SAMD3: variants seen among roughly 807,000 people sequenced by gnomAD.
The protein encoded by SAMD3 is sterile alpha motif domain-containing protein 3.
Under a neutral mutation model 58.5 loss-of-function variants are expected in SAMD3, and 63 were observed. The observed-to-expected ratio is 1.08, with a 90% CI of 0.88 to 1.33. SAMD3 has a LOEUF of 1.33. Ranked by LOEUF, SAMD3 falls within the 40% of genes most tolerant of loss-of-function variation. The pLI is 0.00. For missense variants in SAMD3, 604 were observed against 608.4 expected (o/e 0.99, Z 0.08); for synonymous variants, 220 against 210.3 (o/e 1.05, Z -0.40).
chr6:130,180,860 ATGT>A (rs1201905099), intron 7 of SAMD3, among the ~76,000 whole-genome samples: 1 of 151,956 alleles, frequency 6.6e-6, no homozygotes, highest in Non-Finnish European at 1.5e-5. Flanking sequence ...GAGAAAATCC[ATGT>A]TGTTAGGAGT....
chr6:130,361,999 G>A (rs2115047764), intron 1 of SAMD3, among the ~76,000 whole-genome samples: 1 of 152,160 alleles, frequency 6.6e-6, no homozygotes, highest in Admixed American at 6.5e-5. Flanking sequence ...GTCAGTAAAA[G>A]TTAATATTTT....
chr6:130,291,006 C>G (rs570273303), intron 2 of SAMD3, among the ~76,000 whole-genome samples: 2 of 152,156 alleles, frequency 1.3e-5, no homozygotes, highest in African/African-American at 4.8e-5. Flanking sequence ...CTTATTATTC[C>G]CATTCACATA....
chr6:130,215,705 G>T, intron 2 of SAMD3: 1 of 1,458,390 alleles, frequency 6.9e-7, no homozygotes, highest in South Asian at 1.4e-5. Flanking sequence ...ATTTACAGAA[G>T]GGGTGGGCAG....
chr6:130,358,830 A>T (rs1777907988), intron 1 of SAMD3, among the ~76,000 whole-genome samples: 1 of 152,014 alleles, frequency 6.6e-6, no homozygotes, highest in African/African-American at 2.4e-5. Flanking sequence ...ATGTCTCCTT[A>T]ACCCCTACTC....
intron 8 of SAMD3, among the ~76,000 whole-genome samples, chr6:130,155,847 C>G (rs542286869): frequency 6.6e-6 from 1 of 152,150 alleles, no homozygotes; most frequent in East Asian, 1.9e-4. Flanking sequence ...ACTAACAAGA[C>G]CTAAACCAAG....
intron 1 of SAMD3, among the ~76,000 whole-genome samples, chr6:130,351,518 C>T (rs550760782): frequency 1.3e-5 from 2 of 152,262 alleles, no homozygotes; most frequent in East Asian, 3.9e-4. Context: ...AGATCAAAAC[C>T]ACAATGAGAT....
rs186616365 is a variant in SAMD3 at position 130,189,793 on chromosome 6, A to T, written c.384-5170T>A. On this transcript the variant is annotated intron_variant, in intron 5 of 11. Coordinates refer to ENST00000439090, the MANE Select transcript of SAMD3 (RefSeq NM_001017373.4). ...TAACCATAAACATTAAACACATTTTAAAAAAATTAACTGAAAACACTGAAA... is the reference window on the plus strand; with the variant it reads ...TAACCATAAACATTAAACACATTTTTAAAAAATTAACTGAAAACACTGAAA... Among the ~76,000 whole-genome samples the T allele has an allele frequency of 3.3e-3, 509 of 152,290 alleles. 3 individuals carry two copies. Among genetic ancestry groups the T allele is most frequent in the Non-Finnish European group, 5.2e-3 (357 of 68,028 alleles).
intron 2 of SAMD3, among the ~76,000 whole-genome samples, chr6:130,265,315 G>A (rs1168299839): frequency 6.6e-6 from 1 of 152,102 alleles, no homozygotes; most frequent in East Asian, 1.9e-4. Context: ...ACGTGGATGG[G>A]AGCAGCTTCA....
chr6:130,186,935 T>TA (rs1368254479), intron 5 of SAMD3, among the ~76,000 whole-genome samples: 1 of 151,442 alleles, frequency 6.6e-6, no homozygotes, highest in African/African-American at 2.4e-5. Flanking sequence ...CGTGCCTGGC[T>TA]AATTTTTTTT....
At chr6:130,226,871 A>C (rs188144968), upstream of SAMD3, among the ~76,000 whole-genome samples, 733 of 152,332 alleles carry the variant, frequency 4.8e-3, 7 homozygotes, top group Non-Finnish European at 5.6e-3. Flanking sequence ...AATTAGTAAC[A>C]TTGTGTTTAC....
intron 2 of SAMD3, among the ~76,000 whole-genome samples, chr6:130,290,396 T>A (rs1166437335): frequency 1.3e-5 from 2 of 152,214 alleles, no homozygotes; most frequent in African/African-American, 2.4e-5. Context: ...TTGCTCTTAA[T>A]GGCTTTGATT....
At chr6:130,256,705 A>G (rs1773938804) in intron 2 of SAMD3, among the ~76,000 whole-genome samples, 1 of 152,188 alleles carries the variant, frequency 6.6e-6, no homozygotes, top group South Asian at 2.1e-4. Flanking sequence ...TCTTTCTCCA[A>G]TAAAAGAAAT....
intron 2 of SAMD3, among the ~76,000 whole-genome samples, chr6:130,264,103 T>G (rs1774245428): frequency 6.6e-6 from 1 of 152,216 alleles, no homozygotes; most frequent in Non-Finnish European, 1.5e-5. Context: ...TTGTTATGCT[T>G]GTGCACATGG....
intron 9 of SAMD3, among the ~76,000 whole-genome samples, chr6:130,152,989 TGAA>T (rs1329385447): frequency 1.3e-5 from 2 of 152,306 alleles, no homozygotes; most frequent in South Asian, 2.1e-4. Context: ...CACACTCCAA[TGAA>T]GACCCCTAAG....
chr6:130,324,453 G>T (rs1481175716), intron 1 of SAMD3, among the ~76,000 whole-genome samples: 1 of 152,122 alleles, frequency 6.6e-6, no homozygotes, highest in Non-Finnish European at 1.5e-5. Context: ...GAATGAATTT[G>T]TGTAATATTA....
At chr6:130,337,393 G>A (rs1419952455) in intron 1 of SAMD3, among the ~76,000 whole-genome samples, 1 of 152,162 alleles carries the variant, frequency 6.6e-6, no homozygotes, top group Non-Finnish European at 1.5e-5. Context: ...GTCATAAAAT[G>A]AGTCAATAAA....
At chr6:130,256,785 G>A (rs974092000) in intron 2 of SAMD3, among the ~76,000 whole-genome samples, 2 of 152,196 alleles carry the variant, frequency 1.3e-5, no homozygotes, top group Non-Finnish European at 2.9e-5. Flanking sequence ...AAACCCAGAT[G>A]TTCCAGCTTA....
At chr6:130,253,518 G>T (rs1285555220) in intron 2 of SAMD3, among the ~76,000 whole-genome samples, 2 of 151,870 alleles carry the variant, frequency 1.3e-5, no homozygotes, top group Admixed American at 1.3e-4. Context: ...CCATTTTCTT[G>T]TCTTATTTGC....
chr6:130,292,267 CTTTCTTTTTT>C (rs1775391700), intron 2 of SAMD3, among the ~76,000 whole-genome samples: 1 of 83,944 alleles, frequency 1.2e-5, no homozygotes, highest in African/African-American at 3.9e-5. Flanking sequence ...TTTTTTCTTT[CTTTCTTTTTT>C]TTTTTTTTTT....
Sources: allele counts gnomAD v4.1 joint callset (sites outside exome capture counted in the v4.1 genomes callset), GRCh38; gene constraint gnomAD v4.1.1; transcripts MANE v1.5; gene names NCBI Gene and HGNC (gene_info 2026-07-23, HGNC 2026-07-21).